The following KCNJ15 variants were observed in gnomAD, a reference collection of about 807,000 sequenced individuals.
KCNJ15 encodes the protein potassium inwardly rectifying channel subfamily J member 15.
Under a neutral mutation model 23.0 loss-of-function variants are expected in KCNJ15, and 14 were observed. The observed-to-expected ratio is 0.61, with a 90% CI of 0.40 to 0.95. The LOEUF is 0.95. KCNJ15 is among the 40% of genes least tolerant of loss of function. The probability of loss-of-function intolerance (pLI) is 0.00; values close to 1 mark genes in which losing one functional copy is unlikely to be tolerated. For synonymous variants in KCNJ15, 185 were observed against 183.2 expected (o/e 1.01, Z -0.08); for missense variants, 388 against 461.8 (o/e 0.84, Z 1.46).
At chr21:38,250,081 G>T (rs371658142) in intron 1 of KCNJ15, among the ~76,000 whole-genome samples, 1 of 152,124 alleles carries the variant, frequency 6.6e-6, no homozygotes, top group Non-Finnish European at 1.5e-5. Flanking sequence ...TTCACTTTAC[G>T]TAACTTAGCC....
chr21:38,268,326 C>T (rs1981677370), intron 1 of KCNJ15, among the ~76,000 whole-genome samples: 2 of 152,034 alleles, frequency 1.3e-5, no homozygotes, highest in South Asian at 2.1e-4. Flanking sequence ...GTTTCTTTGG[C>T]TGGGACTATA....
intron 1 of KCNJ15, among the ~76,000 whole-genome samples, chr21:38,264,441 G>C (rs1981250456): frequency 6.6e-6 from 1 of 152,096 alleles, no homozygotes; most frequent in Non-Finnish European, 1.5e-5. Flanking sequence ...CTGCTTACTT[G>C]TCCCTTTTCC....
At chr21:38,270,256 G>T (rs761017991) in intron 1 of KCNJ15, among the ~76,000 whole-genome samples, 2 of 152,082 alleles carry the variant, frequency 1.3e-5, no homozygotes, top group African/African-American at 2.4e-5. Flanking sequence ...GATTCATTCG[G>T]TGTTGGTGTA....
At position 38,300,440 on chromosome 21, in the gene KCNJ15, A is replaced by T. The variant is rs1985677755; in HGVS notation, c.*51A>T. The T allele has an allele frequency of 6.7e-7, 1 of 1,490,340 alleles. No homozygotes were observed. The highest frequency in any genetic ancestry group is 1.4e-5 in the African/African-American group (1 of 71,354). The allele number at this position is 1,490,340 out of a possible 1,614,324, so 92.3% of individuals were successfully genotyped here. A position where few individuals can be genotyped will look rare whatever the true frequency, so the allele number is the denominator to read the frequency against. Reference sequence around the variant, plus strand: ...CCCTGCAAGCTGTTTCCACATCAGAACTCCCTTCAAACACAAAGATTGCTG... The same window carrying T: ...CCCTGCAAGCTGTTTCCACATCAGATCTCCCTTCAAACACAAAGATTGCTG... On this transcript the variant is annotated 3_prime_UTR_variant, in exon 3 of 3. Coordinates refer to ENST00000398938, the MANE Select transcript of KCNJ15 (RefSeq NM_170736.3).
chr21:38,277,047 G>GTA (rs1167622494), intron 1 of KCNJ15, among the ~76,000 whole-genome samples: 1 of 150,996 alleles, frequency 6.6e-6, no homozygotes, highest in Non-Finnish European at 1.5e-5. Flanking sequence ...GTGTGTGTGT[G>GTA]TAAAATTATC....
chr21:38,251,154 G>A (rs186070983), intron 1 of KCNJ15, among the ~76,000 whole-genome samples: 46 of 152,326 alleles, frequency 3.0e-4, no homozygotes, highest in African/African-American at 1.1e-3. Flanking sequence ...GAAGGTAACT[G>A]TACTTAGCAG....
rs1986034561 is a variant in KCNJ15 at position 38,305,735 on chromosome 21, C to A, written c.*5346C>A. The A allele has an allele frequency of 6.6e-6, 1 of 152,180 alleles. No homozygotes were observed. Among genetic ancestry groups the A allele is most frequent in the African/African-American group, 2.4e-5 (1 of 41,434 alleles). 9.4% of individuals were successfully genotyped at this position (152,180 alleles called of 1,614,324 possible). The stretch of plus-strand genomic sequence containing the variant: ...CTTCAAACTTAACTGAAACTCCTGT[C>A]CTGAATAGTTATTTGCCAAATCTGA... On this transcript the variant is annotated 3_prime_UTR_variant, in exon 3 of 3. Coordinates refer to ENST00000398938, the MANE Select transcript of KCNJ15 (RefSeq NM_170736.3).
intron 1 of KCNJ15, among the ~76,000 whole-genome samples, chr21:38,242,978 G>C (rs1163488851): frequency 6.6e-6 from 1 of 152,164 alleles, no homozygotes; most frequent in Non-Finnish European, 1.5e-5. Flanking sequence ...AAATGGTGTA[G>C]TATGCAAGGA....
chr21:38,269,923 G>T (rs1981899980), intron 1 of KCNJ15, among the ~76,000 whole-genome samples: 1 of 152,006 alleles, frequency 6.6e-6, no homozygotes, highest in African/African-American at 2.4e-5. Context: ...TATCATGCAG[G>T]AACCCTATGG....
chr21:38,256,021 A>G (rs1351143817), upstream of KCNJ15, among the ~76,000 whole-genome samples: 1 of 152,076 alleles, frequency 6.6e-6, no homozygotes, highest in Non-Finnish European at 1.5e-5. Context: ...AGTGCTTTTG[A>G]AAAACCCATT....
rs1982085351 is a variant in KCNJ15 at position 38,271,440 on chromosome 21, C to T, written c.-117+14255C>T. Among the ~76,000 whole-genome samples, 2 of 152,304 alleles carry T rather than the reference C, an allele frequency of 1.3e-5. 1 individual carries two copies. Among genetic ancestry groups the T allele is most frequent in the South Asian group, 4.1e-4 (2 of 4,826 alleles). Reference sequence around the variant, plus strand: ...TGAAGCCAAACTCAGGCGGAAGCAACATAATTAAACTGGTTTATCGTTTGG... The same window carrying T: ...TGAAGCCAAACTCAGGCGGAAGCAATATAATTAAACTGGTTTATCGTTTGG... On this transcript the variant is annotated intron_variant, in intron 1 of 2. Coordinates refer to ENST00000398938, the MANE Select transcript of KCNJ15 (RefSeq NM_170736.3).
In KCNJ15 at chr21:38,302,679, A is replaced by T. The variant is rs1985885186; in HGVS notation, c.*2290A>T. 6.6e-6 allele frequency: 1 copy of T among 152,156 alleles called. No individual in the cohort carries two copies. The highest frequency in any genetic ancestry group is 2.4e-5 in the African/African-American group (1 of 41,434). The allele number at this position is 152,156 out of a possible 1,614,324, so 9.4% of individuals were successfully genotyped here. A position where few individuals can be genotyped will look rare whatever the true frequency, so the allele number is the denominator to read the frequency against. On this transcript the variant is annotated 3_prime_UTR_variant, in exon 3 of 3. Coordinates refer to ENST00000398938, the MANE Select transcript of KCNJ15 (RefSeq NM_170736.3). ...TTACACCTTTTCTGTTGCACTATTAAATTCTTTTCACAGTATTCATATCAA... is the reference window on the plus strand; with the variant it reads ...TTACACCTTTTCTGTTGCACTATTATATTCTTTTCACAGTATTCATATCAA...
chr21:38,230,509 T>C (rs1158173489), intron 1 of KCNJ15, among the ~76,000 whole-genome samples: 2 of 152,166 alleles, frequency 1.3e-5, no homozygotes, highest in Non-Finnish European at 2.9e-5. Context: ...GATTGTATTA[T>C]TTGCAGCACA....
intron 1 of KCNJ15, among the ~76,000 whole-genome samples, chr21:38,240,139 A>G (rs1482746715): frequency 6.6e-6 from 1 of 152,068 alleles, no homozygotes; most frequent in East Asian, 1.9e-4. Flanking sequence ...AGCACATTTT[A>G]TTACAGTGAT....
Position 38,300,573 on chromosome 21 carries a change from TC to T in KCNJ15, c.*186del, listed in dbSNP as rs1985693128. 1.8e-6 allele frequency: 1 copy of T among 570,790 alleles called. No individual in the cohort carries two copies. The highest frequency in any genetic ancestry group is 1.9e-5 in the African/African-American group (1 of 52,712). 35.4% of individuals were successfully genotyped at this position (570,790 alleles called of 1,614,324 possible). A position where few individuals can be genotyped will look rare whatever the true frequency, so the allele number is the denominator to read the frequency against. ...CCAGCATTTCTGTGTTTGAGAGATT[TC>T]CTGTTAGGTGCTTCGTCTGAAAGTG... On this transcript the variant is annotated 3_prime_UTR_variant, in exon 3 of 3. Coordinates refer to ENST00000398938, the MANE Select transcript of KCNJ15 (RefSeq NM_170736.3).
At chr21:38,260,219 G>A (rs62221667) in intron 1 of KCNJ15, among the ~76,000 whole-genome samples, 1 of 152,116 alleles carries the variant, frequency 6.6e-6, no homozygotes, top group African/African-American at 2.4e-5. Flanking sequence ...TGATAAAAAG[G>A]CCAGGCGAGA....
chr21:38,238,418 G>C, intron 1 of KCNJ15: 1 of 688,894 alleles, frequency 1.5e-6, no homozygotes, highest in East Asian at 3.1e-5. Flanking sequence ...ATGTAGACAG[G>C]GTGGACGCAC....
chr21:38,270,112 G>T (rs1328914649), intron 1 of KCNJ15, among the ~76,000 whole-genome samples: 1 of 152,040 alleles, frequency 6.6e-6, no homozygotes, highest in Non-Finnish European at 1.5e-5. Flanking sequence ...AGCCCTTCAA[G>T]GCCTGTCAAG....
chr21:38,229,965 T>C (rs189591330), intron 1 of KCNJ15, among the ~76,000 whole-genome samples: 1 of 152,346 alleles, frequency 6.6e-6, no homozygotes, highest in African/African-American at 2.4e-5. Flanking sequence ...TTGCATCCAC[T>C]TTTTGGCTGT....
Sources: allele counts gnomAD v4.1 joint callset (sites outside exome capture counted in the v4.1 genomes callset), GRCh38; gene constraint gnomAD v4.1.1; transcripts MANE v1.5; gene names NCBI Gene and HGNC (gene_info 2026-07-23, HGNC 2026-07-21).